The following MYO1D variants were observed in gnomAD, a reference collection of about 807,000 sequenced individuals.
MYO1D encodes the protein myosin ID.
Under a neutral mutation model 122.0 loss-of-function variants are expected in MYO1D, and 83 were observed. The ratio of observed to expected loss-of-function variants is 0.68; its 90% CI spans 0.57 to 0.82. MYO1D has a LOEUF of 0.82. MYO1D is among the 40% of genes least tolerant of loss of function. The pLI, the probability that MYO1D is intolerant of heterozygous loss-of-function variation, is 0.00. For missense variants in MYO1D, 1,157 were observed against 1,269.5 expected (o/e 0.91, Z 1.35); for synonymous variants, 464 against 446.9 (o/e 1.04, Z -0.48).
At chr17:32,581,349 T>C (rs997932698) in intron 21 of MYO1D, among the ~76,000 whole-genome samples, 6 of 152,220 alleles carry the variant, frequency 3.9e-5, no homozygotes, top group Non-Finnish European at 7.3e-5. Flanking sequence ...TCCTACTAGA[T>C]GTGTATCAAT....
intron 21 of MYO1D, among the ~76,000 whole-genome samples, chr17:32,551,673 C>T (rs2087016362): frequency 6.6e-6 from 1 of 152,014 alleles, no homozygotes; most frequent in South Asian, 2.1e-4. Flanking sequence ...AACATTAAAA[C>T]ATTTTGCTCT....
chr17:32,721,280 G>C, intron 14 of MYO1D, 91 bp from the exon 15 acceptor site: 1 of 1,143,850 alleles, frequency 8.7e-7, no homozygotes, highest in South Asian at 1.4e-5. Flanking sequence ...ATTGTGTCAA[G>C]TTAAGCTCAG....
At chr17:32,704,965 G>T (rs1318374919) in intron 16 of MYO1D, among the ~76,000 whole-genome samples, 3 of 151,546 alleles carry the variant, frequency 2.0e-5, no homozygotes, top group Non-Finnish European at 4.4e-5. Context: ...AACTTGTATT[G>T]CTATAAATTA....
At position 32,711,989 on chromosome 17, in the gene MYO1D, T is replaced by C. The variant is rs201196371; in HGVS notation, c.2120A>G (p.Lys707Arg). ...CTTATATATAAAATATAAAATTACC[T>C]TTTGTAGAAAGAGGACAATCCTTAT... ...MLIRIVLFLQ[K>R]VWRGTLARMR... The change falls in exon 16 of 22, where the codon AAG (lysine) becomes AGG (arginine). Residue 707 changes from lysine to arginine, a missense_variant and splice_region_variant. Transcript: ENST00000318217. 472 of 1,609,380 alleles carry C rather than the reference T, an allele frequency of 2.9e-4. No individual in the cohort carries two copies. Among genetic ancestry groups the C allele is most frequent in the Non-Finnish European group, 3.7e-4 (441 of 1,177,018 alleles).
At chr17:32,772,675 T>C in intron 5 of MYO1D, 114 bp downstream of exon 5, 1 of 848,844 alleles carries the variant, frequency 1.2e-6, no homozygotes, top group Non-Finnish European at 2.0e-6. Context: ...CGTGACATGT[T>C]ACGGGGCCAA....
chr17:32,649,997 A>G (rs1329104968), intron 19 of MYO1D, among the ~76,000 whole-genome samples: 1 of 152,242 alleles, frequency 6.6e-6, no homozygotes, highest in African/African-American at 2.4e-5. Context: ...AAGACATTTA[A>G]GTAAGAAAAG....
At chr17:32,749,419 C>T (rs1049353331) in intron 11 of MYO1D, among the ~76,000 whole-genome samples, 2 of 152,164 alleles carry the variant, frequency 1.3e-5, no homozygotes, top group East Asian at 3.9e-4. Context: ...CAGACTTCTA[C>T]TATCTTATGA....
intron 2 of MYO1D, among the ~76,000 whole-genome samples, chr17:32,779,651 C>G (rs901573662): frequency 3.3e-5 from 5 of 152,042 alleles, no homozygotes; most frequent in African/African-American, 1.2e-4. Flanking sequence ...TTACTCCACA[C>G]ACTCATATAA....
At chr17:32,690,817 A>T (rs551335828) in intron 16 of MYO1D, among the ~76,000 whole-genome samples, 1 of 152,186 alleles carries the variant, frequency 6.6e-6, no homozygotes, top group Non-Finnish European at 1.5e-5. Context: ...CCATCAGCCA[A>T]TTAAGCCTCT....
chr17:32,838,688 G>T (rs1016739906), intron 1 of MYO1D, among the ~76,000 whole-genome samples: 3 of 151,976 alleles, frequency 2.0e-5, no homozygotes, highest in African/African-American at 7.3e-5. Flanking sequence ...CTTCATCGGG[G>T]GCAAAGTGTT....
chr17:32,506,262 G>A (rs1909499819), intron 21 of MYO1D, among the ~76,000 whole-genome samples: 2 of 152,196 alleles, frequency 1.3e-5, no homozygotes, highest in South Asian at 2.1e-4. Flanking sequence ...TTCACTATAC[G>A]AAACAATAAA....
intron 21 of MYO1D, among the ~76,000 whole-genome samples, chr17:32,533,013 C>T (rs1910560543): frequency 6.6e-6 from 1 of 152,054 alleles, no homozygotes; most frequent in African/African-American, 2.4e-5. Context: ...GGCTTTATGA[C>T]ACTCTCTCAC....
At chr17:32,653,037 G>C (rs2088417115) in intron 19 of MYO1D, among the ~76,000 whole-genome samples, 1 of 152,034 alleles carries the variant, frequency 6.6e-6, no homozygotes, top group Admixed American at 6.5e-5. Context: ...AGCTACTCGG[G>C]AGGCTAAGGC....
At chr17:32,592,783 A>G (rs1003335875) in intron 21 of MYO1D, among the ~76,000 whole-genome samples, 1 of 152,198 alleles carries the variant, frequency 6.6e-6, no homozygotes, top group African/African-American at 2.4e-5. Flanking sequence ...GACCTAAGTA[A>G]TAACTCTGGA....
At chr17:32,715,553 G>A (rs1180961165) in intron 15 of MYO1D, among the ~76,000 whole-genome samples, 1 of 152,020 alleles carries the variant, frequency 6.6e-6, no homozygotes, top group Non-Finnish European at 1.5e-5. Context: ...ATGCAGGCGT[G>A]TCCCAAGCCT....
chr17:32,745,784 A>G (rs1482253605), intron 12 of MYO1D: 1 of 156,306 alleles, frequency 6.4e-6, no homozygotes, highest in Admixed American at 6.4e-5. Context: ...AAGCAGGCAC[A>G]TGCATGGTGC....
At chr17:32,500,348 C>T (rs141888580) in intron 21 of MYO1D, among the ~76,000 whole-genome samples, 241 of 152,360 alleles carry the variant, frequency 1.6e-3, no homozygotes, top group South Asian at 3.7e-3. Flanking sequence ...GATGGAGACT[C>T]ACCCAGTCCA....
chr17:32,875,840 G>A (rs1415852463), intron 1 of MYO1D, among the ~76,000 whole-genome samples: 3 of 152,122 alleles, frequency 2.0e-5, no homozygotes. Context: ...AAGCTTGCAG[G>A]GAAACATACA....
intron 1 of MYO1D, among the ~76,000 whole-genome samples, chr17:32,783,965 G>A (rs11869264): frequency 0.35 from 53,919 of 152,042 alleles, 10,987 homozygotes; most frequent in East Asian, 0.54. Context: ...GCCAGATACC[G>A]GGTCAAACCC....
Sources: allele counts gnomAD v4.1 joint callset (sites outside exome capture counted in the v4.1 genomes callset), GRCh38; gene constraint gnomAD v4.1.1; transcripts MANE v1.5; gene names NCBI Gene and HGNC (gene_info 2026-07-23, HGNC 2026-07-21).